The following TENM3 variants were observed in gnomAD, a reference collection of about 807,000 sequenced individuals.
TENM3 encodes the protein teneurin-3.
In TENM3, 63 loss-of-function variants were observed where a neutral mutation model predicts 255.1. That is an observed-to-expected ratio of 0.25 (90% CI 0.20 to 0.30). TENM3 has a LOEUF of 0.30. TENM3 is among the 10% of genes least tolerant of loss of function. TENM3 has a pLI of 1.00. For synonymous variants in TENM3, 1,306 were observed against 1,322.3 expected, an observed-to-expected ratio of 0.99 and a Z score of 0.27; for missense variants, 2,929 against 3,461.1, an observed-to-expected ratio of 0.85 and a Z score of 3.86.
chr4:181,581,718 T>C, the TENM3 span, among the ~76,000 whole-genome samples: 2 of 151,730 alleles, frequency 1.3e-5, no homozygotes, highest in Non-Finnish European at 2.9e-5. Context: ...TCTTTCAAAG[T>C]TCCGCTTTAC....
At chr4:182,633,483 G>T (rs1418751872) in intron 5 of TENM3, among the ~76,000 whole-genome samples, 1 of 152,206 alleles carries the variant, frequency 6.6e-6, no homozygotes, top group Non-Finnish European at 1.5e-5. Flanking sequence ...TGTAGATTTG[G>T]GGGAAAGACT....
the TENM3 span, among the ~76,000 whole-genome samples, chr4:181,664,136 C>A: frequency 6.6e-6 from 1 of 152,128 alleles, no homozygotes; most frequent in Non-Finnish European, 1.5e-5. Flanking sequence ...CTTGCCTTTT[C>A]TGTACCTCAG....
rs534464787 is a variant in TENM3, at chr4:182,426,085, T to C, written c.511+79156T>C. On this transcript the variant is annotated intron_variant, in intron 3 of 27. Coordinates refer to ENST00000511685, the MANE Select transcript of TENM3 (RefSeq NM_001080477.4). ...ATTTTTATAATGGCTTATAATGCAT[T>C]TCTTCCCAAAACGTTCTAAACATAA... 2.6e-5 allele frequency among the ~76,000 whole-genome samples: 4 copies of C among 151,804 alleles called. No homozygotes were observed. In the South Asian group the frequency reaches 8.3e-4, roughly 32 times the overall value.
the TENM3 span, among the ~76,000 whole-genome samples, chr4:182,057,290 AAGAG>A: frequency 1.6e-4 from 24 of 149,386 alleles, no homozygotes; most frequent in Middle Eastern, 3.5e-3. Flanking sequence ...AAATTTCTCA[AAGAG>A]AGAGAGAGAG....
chr4:181,896,450 A>G, the TENM3 span, among the ~76,000 whole-genome samples: 26,623 of 152,230 alleles, frequency 0.17, 2,457 homozygotes, highest in Non-Finnish European at 0.2. Context: ...TGAAGTTAAG[A>G]ACAATGTTCT....
At chr4:181,831,675 A>G in the TENM3 span, among the ~76,000 whole-genome samples, 7 of 152,208 alleles carry the variant, frequency 4.6e-5, no homozygotes, top group Admixed American at 6.5e-5. Context: ...AGAAACATCA[A>G]TCACAGGACA....
At chr4:182,425,879 A>T (rs1337384545) in intron 3 of TENM3, among the ~76,000 whole-genome samples, 1 of 151,886 alleles carries the variant, frequency 6.6e-6, no homozygotes, top group African/African-American at 2.4e-5. Context: ...GTCGTGGCAC[A>T]CACCTGTAAT....
chr4:182,015,256 A>G, the TENM3 span, among the ~76,000 whole-genome samples: 6 of 152,170 alleles, frequency 3.9e-5, no homozygotes, highest in African/African-American at 1.4e-4. Context: ...TGCTCCCACA[A>G]AGGCCGTTTA....
chr4:181,609,905 A>G, the TENM3 span, among the ~76,000 whole-genome samples: 2 of 152,206 alleles, frequency 1.3e-5, 1 homozygote, highest in Non-Finnish European at 2.9e-5. Context: ...ATTTAATATT[A>G]GTACCATAAA....
chr4:181,805,830 T>C, the TENM3 span, among the ~76,000 whole-genome samples: 3 of 152,186 alleles, frequency 2.0e-5, no homozygotes, highest in Non-Finnish European at 4.4e-5. Context: ...CTAATTTGTA[T>C]TGATGACACG....
rs550752122 is a variant in TENM3 at position 182,200,181 on chromosome 4, C to T, written c.-76+55427C>T. On this transcript the variant is annotated intron_variant, in intron 1 of 2. Coordinates refer to the TENM3 transcript ENST00000512480. ...GGGCGGAACAACATGGGAAAATATC[C>T]GTGTTTCTTGCATAATCATAGAAAA... 1.4e-4 allele frequency among the ~76,000 whole-genome samples: 21 copies of T among 152,192 alleles called. No individual in the cohort carries two copies. In the East Asian group the frequency reaches 2.3e-3, roughly 17 times the overall value.
At chr4:181,911,347 CAAAG>C in the TENM3 span, among the ~76,000 whole-genome samples, 1 of 152,144 alleles carries the variant, frequency 6.6e-6, no homozygotes, top group Non-Finnish European at 1.5e-5. Flanking sequence ...GAAAAAGATG[CAAAG>C]AAAGACATGC....
chr4:182,671,341 A>G (rs543507994), intron 6 of TENM3, among the ~76,000 whole-genome samples: 20 of 152,158 alleles, frequency 1.3e-4, no homozygotes, highest in Non-Finnish European at 2.6e-4. Context: ...TTCTGGCCAG[A>G]TGGATTTCTC....
chr4:182,651,055 C>T (rs760515824), intron 5 of TENM3, among the ~76,000 whole-genome samples: 7 of 151,838 alleles, frequency 4.6e-5, no homozygotes, highest in African/African-American at 9.7e-5. Context: ...CCATTAAAAC[C>T]GATAATGTGA....
At chr4:182,532,005 C>T (rs1739828625) in intron 3 of TENM3, among the ~76,000 whole-genome samples, 1 of 152,176 alleles carries the variant, frequency 6.6e-6, no homozygotes, top group South Asian at 2.1e-4. Flanking sequence ...TATGTGAACT[C>T]TGTTTTTTGT....
chr4:181,710,922 G>C, the TENM3 span, among the ~76,000 whole-genome samples: 1 of 151,712 alleles, frequency 6.6e-6, no homozygotes, highest in Admixed American at 6.6e-5. Flanking sequence ...GGTAGTAGCT[G>C]AGGAGAAATA....
At chr4:182,633,390 C>A (rs1751565068) in intron 5 of TENM3, among the ~76,000 whole-genome samples, 1 of 152,170 alleles carries the variant, frequency 6.6e-6, no homozygotes, top group African/African-American at 2.4e-5. Flanking sequence ...TGAGGACGTG[C>A]ATAAAAACAC....
chr4:182,490,727 A>G (rs1195291242), intron 3 of TENM3, among the ~76,000 whole-genome samples: 2 of 2,016 alleles, frequency 9.9e-4, no homozygotes, highest in African/African-American at 1.8e-3. Context: ...ATGGTACCTT[A>G]TGAAGGGACT....
the TENM3 span, among the ~76,000 whole-genome samples, chr4:181,859,766 T>A: frequency 6.6e-6 from 1 of 152,164 alleles, no homozygotes; most frequent in Non-Finnish European, 1.5e-5. Flanking sequence ...TCTTAATTGA[T>A]CATATGCGTT....
Sources: allele counts gnomAD v4.1 joint callset (sites outside exome capture counted in the v4.1 genomes callset), GRCh38; gene constraint gnomAD v4.1.1; transcripts MANE v1.5; gene names NCBI Gene and HGNC (gene_info 2026-07-23, HGNC 2026-07-21).